Variants in MKKS observed in about 807,000 individuals in gnomAD.
MKKS encodes the protein MKKS centrosomal shuttling protein.
A neutral mutation model predicts 33.2 loss-of-function variants in MKKS; 29 were observed. The ratio of observed to expected loss-of-function variants is 0.87; its 90% CI spans 0.65 to 1.19. The LOEUF is 1.19. Ranked by LOEUF, MKKS falls within the 50% of genes most tolerant of loss-of-function variation. The pLI is 0.00. For missense variants in MKKS, 661 were observed against 662.3 expected (o/e 1.00, Z 0.02); for synonymous variants, 260 against 244.0 (o/e 1.07, Z -0.61).
chr20:10,431,146 C>T (rs1457576895), intron 1 of MKKS, among the ~76,000 whole-genome samples: 2 of 152,088 alleles, frequency 1.3e-5, no homozygotes, highest in Non-Finnish European at 2.9e-5. Context: ...AGTATATTAT[C>T]TTATACGAAT....
In MKKS at chr20:10,420,530, G is replaced by A. The variant is rs1384126647; in HGVS notation, c.-420C>T. ...CAACCAGATTAAATGGAACTTACCT[G>A]AAGATTGCAAGCCTGCTACTTCCCC... On this transcript the variant is annotated splice_region_variant and 5_prime_UTR_variant, in exon 2 of 6. Transcript: ENST00000347364. 1 of 152,212 alleles carries A rather than the reference G, an allele frequency of 6.6e-6. No individual in the cohort carries two copies. 9.4% of individuals were successfully genotyped at this position (152,212 alleles called of 1,614,324 possible).
chr20:10,425,162 G>A (rs554399958), intron 1 of MKKS, among the ~76,000 whole-genome samples: 1 of 152,154 alleles, frequency 6.6e-6, no homozygotes, highest in South Asian at 2.1e-4. Context: ...ACAAGGAAAA[G>A]AGAGCTAAAA....
intron 2 of MKKS, among the ~76,000 whole-genome samples, chr20:10,417,111 T>C (rs928615764): frequency 8.6e-5 from 13 of 151,490 alleles, no homozygotes; most frequent in African/African-American, 3.2e-4. Flanking sequence ...ACTAGTCAGG[T>C]GTGGTGGTGG....
chr20:10,426,539 A>T (rs1048006541), intron 1 of MKKS, among the ~76,000 whole-genome samples: 2 of 152,192 alleles, frequency 1.3e-5, no homozygotes, highest in Non-Finnish European at 2.9e-5. Context: ...AGCTGAGATT[A>T]CAGGCCCACG....
At chr20:10,432,439 G>A (rs1338577348) in intron 1 of MKKS, among the ~76,000 whole-genome samples, 1 of 152,134 alleles carries the variant, frequency 6.6e-6, no homozygotes, top group Admixed American at 6.5e-5. Flanking sequence ...GTATTTGGGG[G>A]ATTGCATCCA....
chr20:10,412,397 C>T, intron 3 of MKKS, 133 bp downstream of exon 3: 2 of 894,788 alleles, frequency 2.2e-6, no homozygotes, highest in Non-Finnish European at 3.6e-6. Context: ...GAAACCTTTG[C>T]TGCCAGAAAT....
chr20:10,433,727 G>C (rs2065072691), intron 1 of MKKS, among the ~76,000 whole-genome samples: 1 of 152,114 alleles, frequency 6.6e-6, no homozygotes, highest in Non-Finnish European at 1.5e-5. Context: ...GGTACACCGT[G>C]CACCCTCCAG....
intron 3 of MKKS, among the ~76,000 whole-genome samples, chr20:10,411,861 T>C (rs139417721): frequency 0.012 from 1,853 of 152,346 alleles, 19 homozygotes; most frequent in South Asian, 0.036. Context: ...TATATCTGCT[T>C]TTAATTTGCT....
intron 1 of MKKS, among the ~76,000 whole-genome samples, chr20:10,420,983 T>C (rs917900521): frequency 6.6e-6 from 1 of 152,214 alleles, no homozygotes; most frequent in Non-Finnish European, 1.5e-5. Context: ...CAATACTGAC[T>C]TTTTGGCAAC....
At position 10,413,645 on chromosome 20, in the gene MKKS, G is replaced by T; in HGVS notation, c.-131C>A. 1 of 1,025,128 alleles carries T rather than the reference G, an allele frequency of 9.8e-7. No individual in the cohort carries two copies. Among genetic ancestry groups the T allele is most frequent in the Non-Finnish European group, 1.4e-6 (1 of 689,822 alleles). The allele number at this position is 1,025,128 out of a possible 1,614,324, so 63.5% of individuals were successfully genotyped here. A position where few individuals can be genotyped will look rare whatever the true frequency, so the allele number is the denominator to read the frequency against. ...TAAAGTATGAATATGCAGCATTGTGGCTATAAAATCAAAAAGTTCAATGTT... is the reference window on the plus strand; with the variant it reads ...TAAAGTATGAATATGCAGCATTGTGTCTATAAAATCAAAAAGTTCAATGTT... On this transcript the variant is annotated 5_prime_UTR_variant, in exon 3 of 6. Transcript: ENST00000347364.
intron 2 of MKKS, among the ~76,000 whole-genome samples, chr20:10,417,961 T>C (rs1446399783): frequency 1.3e-5 from 2 of 152,206 alleles, no homozygotes; most frequent in East Asian, 1.9e-4. Context: ...AGAGATATTA[T>C]CTATCAAATG....
At chr20:10,425,896 TAGA>T (rs1395114486) in intron 1 of MKKS, among the ~76,000 whole-genome samples, 1 of 152,196 alleles carries the variant, frequency 6.6e-6, no homozygotes, top group Non-Finnish European at 1.5e-5. Context: ...AAGACTCCTT[TAGA>T]AGGATAGAGA....
At chr20:10,416,943 G>T (rs953981197) in intron 2 of MKKS, among the ~76,000 whole-genome samples, 1 of 152,126 alleles carries the variant, frequency 6.6e-6, no homozygotes, top group African/African-American at 2.4e-5. Context: ...TATATGATCT[G>T]CAAAGCCTAA....
At chr20:10,432,165 A>C (rs535541381) in intron 1 of MKKS, among the ~76,000 whole-genome samples, 29 of 152,356 alleles carry the variant, frequency 1.9e-4, no homozygotes, top group African/African-American at 6.5e-4. Context: ...GGGGTATAAA[A>C]GCCTGGCCCT....
chr20:10,405,100 C>A lies in MKKS; in HGVS notation c.*147G>T, dbSNP rs2064831677. On this transcript the variant is annotated 3_prime_UTR_variant, in exon 6 of 6. Coordinates refer to ENST00000347364, the MANE Select transcript of MKKS (RefSeq NM_170784.3). ...TTCCATTCACGAATCACCTTTTTTC[C>A]TAAATAAGTGTATCTATAATTTTAT... The A allele has an allele frequency of 1.7e-6, 1 of 572,992 alleles. No individual in the cohort carries two copies. Among genetic ancestry groups the A allele is most frequent in the Non-Finnish European group, 2.9e-6 (1 of 341,430 alleles). 35.5% of individuals were successfully genotyped at this position (572,992 alleles called of 1,614,324 possible).
intron 1 of MKKS, among the ~76,000 whole-genome samples, chr20:10,431,205 T>G (rs965073176): frequency 1.3e-5 from 2 of 152,132 alleles, no homozygotes; most frequent in African/African-American, 4.8e-5. Context: ...ATCAAAGCAA[T>G]TATATATTAT....
rs539979862 is a variant in MKKS at position 10,434,113 on chromosome 20, C to T, written c.-654G>A. The T allele has an allele frequency of 6.6e-6, 1 of 152,584 alleles. No individual in the cohort carries two copies. Among genetic ancestry groups the T allele is most frequent in the Non-Finnish European group, 1.5e-5 (1 of 68,464 alleles). 9.5% of individuals were successfully genotyped at this position (152,584 alleles called of 1,614,324 possible). A position where few individuals can be genotyped will look rare whatever the true frequency, so the allele number is the denominator to read the frequency against. ...TAGAGTCCCAGCGCTCTCACCTGCGCACCAGCCGTCGCGCCGCCCCAGGCC... is the reference window on the plus strand; with the variant it reads ...TAGAGTCCCAGCGCTCTCACCTGCGTACCAGCCGTCGCGCCGCCCCAGGCC... On this transcript the variant is annotated 5_prime_UTR_variant, in exon 1 of 6. Transcript: ENST00000347364.
rs1444517034 is a variant in MKKS, at chr20:10,403,440, A to G, written c.*1807T>C. On this transcript the variant is annotated 3_prime_UTR_variant, in exon 6 of 6. Transcript: ENST00000347364. ...AAAAGTTTCACTTTTGCATTACAACATCAGCTCAAAGTTCAGAATCTCATA... is the reference window on the plus strand; with the variant it reads ...AAAAGTTTCACTTTTGCATTACAACGTCAGCTCAAAGTTCAGAATCTCATA... The G allele has an allele frequency of 6.6e-6, 1 of 151,928 alleles. No individual in the cohort carries two copies. Among genetic ancestry groups the G allele is most frequent in the African/African-American group, 2.4e-5 (1 of 41,338 alleles). The allele number at this position is 151,928 out of a possible 1,614,324, so 9.4% of individuals were successfully genotyped here. A position where few individuals can be genotyped will look rare whatever the true frequency, so the allele number is the denominator to read the frequency against.
chr20:10,413,838 AT>A lies in MKKS; in HGVS notation c.-325del. The A allele has an allele frequency of 2.2e-6, 1 of 457,220 alleles. No homozygotes were observed. Among genetic ancestry groups the A allele is most frequent in the Non-Finnish European group, 3.9e-6 (1 of 259,672 alleles). The allele number at this position is 457,220 out of a possible 1,614,324, so 28.3% of individuals were successfully genotyped here. On this transcript the variant is annotated 5_prime_UTR_variant, in exon 3 of 6. It introduces an in-frame stop codon into an upstream open reading frame of the 5' UTR. Transcript: ENST00000347364. Reference sequence around the variant, plus strand: ...TCCAAGATGGACACCTATGAAAGATATCCCAGCTACAAGAAGCCAGTTCTTT... The same window carrying A: ...TCCAAGATGGACACCTATGAAAGATACCCAGCTACAAGAAGCCAGTTCTTT...
Sources: allele counts gnomAD v4.1 joint callset (sites outside exome capture counted in the v4.1 genomes callset), GRCh38; gene constraint gnomAD v4.1.1; transcripts MANE v1.5; gene names NCBI Gene and HGNC (gene_info 2026-07-23, HGNC 2026-07-21).